Variants in BPIFC observed in about 807,000 individuals in gnomAD.
BPIFC encodes the protein BPI fold-containing family C protein.
Under a neutral mutation model 57.6 loss-of-function variants are expected in BPIFC, and 60 were observed. That is an observed-to-expected ratio of 1.04 (90% CI 0.85 to 1.29). The LOEUF (loss-of-function observed/expected upper bound fraction) is 1.29. Among genes scored for constraint, BPIFC ranks in the 50% most tolerant of loss-of-function variants. The pLI, the probability that BPIFC is intolerant of heterozygous loss-of-function variation, is 0.00. For missense variants in BPIFC, 581 were observed against 600.5 expected, an observed-to-expected ratio of 0.97 and a Z score of 0.34; for synonymous variants, 243 against 224.5, an observed-to-expected ratio of 1.08 and a Z score of -0.74.
chr22:32,416,530 G>A (rs1933683873), intron 15 of BPIFC, among the ~76,000 whole-genome samples: 1 of 152,218 alleles, frequency 6.6e-6, no homozygotes, highest in Admixed American at 6.5e-5. Context: ...CATTTGGACA[G>A]TAGAGAAATG....
At chr22:32,449,000 G>T (rs1186350700) in intron 4 of BPIFC, among the ~76,000 whole-genome samples, 5 of 152,072 alleles carry the variant, frequency 3.3e-5, no homozygotes, top group Admixed American at 3.3e-4. Flanking sequence ...AGGCATTGTG[G>T]TAAGTGCATT....
rs1296366511 is a variant in BPIFC, at chr22:32,449,789, C to T, written c.246-2449G>A. On this transcript the variant is annotated intron_variant, in intron 4 of 16. Coordinates refer to ENST00000300399, the MANE Select transcript of BPIFC (RefSeq NM_174932.3). ...TCACTCTGTCGCCCGGGCTGGAGTG[C>T]AGTGGCATGATCTCGGCTCACTACA... is the stretch of plus-strand genomic sequence containing the variant. Among the ~76,000 whole-genome samples the T allele has an allele frequency of 3.4e-4, 52 of 150,848 alleles. 1 individual carries two copies. The highest frequency in any genetic ancestry group is 4.4e-5 in the Non-Finnish European group (3 of 67,886).
In BPIFC at chr22:32,414,321, C is replaced by T. The variant is rs762255546; in HGVS notation, c.1506G>A (p.Arg502=). 1.9e-6 allele frequency: 3 copies of T among 1,613,720 alleles called. No homozygotes were observed. The highest frequency in any genetic ancestry group is 2.2e-5 in the South Asian group (2 of 91,008). Residue 502 remains arginine (R), a synonymous_variant, in exon 17 of 17, where the codon AGG becomes AGA. Coordinates refer to ENST00000300399, the MANE Select transcript of BPIFC (RefSeq NM_174932.3). ...CCGGCAATCAAGGGGCTGACTTCCC[C>T]CTCCACTGTCTGCTTATCAGGTTCA... ...EGLNLISRQW[R]GKSAP
At chr22:32,429,383 T>C (rs1009032227) in intron 13 of BPIFC, among the ~76,000 whole-genome samples, 4 of 151,914 alleles carry the variant, frequency 2.6e-5, no homozygotes, top group Non-Finnish European at 5.9e-5. Context: ...ATTTTTTGCA[T>C]TTTCAGTAGA....
chr22:32,431,406 A>G lies in BPIFC; in HGVS notation c.1158T>C (p.Ser386=), dbSNP rs747260057. The change falls in exon 13 of 17, where the codon AGT becomes AGC. Residue 386 remains serine (S), a synonymous_variant. Transcript: ENST00000300399. ...CCAAAATAACCAGGCCAACACTGGT[A>G]CTAGCAACCTATAGACAATAAAAGC... ...ETIVSMDFVA[S]TSVGLVILGQ... is the part of the protein sequence containing the mutation. 4 of 1,582,618 alleles carry G rather than the reference A, an allele frequency of 2.5e-6. No homozygotes were observed. Among genetic ancestry groups the G allele is most frequent in the Non-Finnish European group, 3.5e-6 (4 of 1,157,132 alleles).
At position 32,432,262 on chromosome 22, in the gene BPIFC, A is replaced by G; in HGVS notation, c.1149+111T>C. 9 of 1,194,714 alleles carry G rather than the reference A, an allele frequency of 7.5e-6. No homozygotes were observed. In the South Asian group the frequency reaches 1.4e-4, roughly 18 times the overall value. 74.0% of individuals were successfully genotyped at this position (1,194,714 alleles called of 1,614,324 possible). A position where few individuals can be genotyped will look rare whatever the true frequency, so the allele number is the denominator to read the frequency against. On this transcript the variant is annotated intron_variant, in intron 12 of 16. Transcript: ENST00000300399. ...CGTCCAGCCTCCATCCTCACTCTTA[A>G]TCAATGTAGCATCCCCACCCTCTTC...
At chr22:32,434,905 T>C (rs1934347101) in intron 10 of BPIFC, among the ~76,000 whole-genome samples, 1 of 152,188 alleles carries the variant, frequency 6.6e-6, no homozygotes, top group Non-Finnish European at 1.5e-5. Context: ...AGAGGATCAA[T>C]GAATATCTGT....
intron 4 of BPIFC, among the ~76,000 whole-genome samples, chr22:32,449,610 A>T (rs1934827938): frequency 6.6e-6 from 1 of 152,172 alleles, no homozygotes; most frequent in South Asian, 2.1e-4. Context: ...CAAACTGTGG[A>T]TGGATGTACC....
At chr22:32,419,803 CAAAAAAA>C (rs34812283) in intron 13 of BPIFC, among the ~76,000 whole-genome samples, 3 of 102,370 alleles carry the variant, frequency 2.9e-5, no homozygotes, top group Admixed American at 1.2e-4. Context: ...GAGACCCTGT[CAAAAAAA>C]AAAAAAAAAA....
At chr22:32,428,224 AATT>A (rs999596755) in intron 13 of BPIFC, among the ~76,000 whole-genome samples, 8 of 151,976 alleles carry the variant, frequency 5.3e-5, no homozygotes, top group African/African-American at 9.7e-5. Flanking sequence ...CATTTTTAAA[AATT>A]ATTATTTTAA....
chr22:32,451,989 C>T (rs1934907210), intron 4 of BPIFC, among the ~76,000 whole-genome samples: 1 of 152,122 alleles, frequency 6.6e-6, no homozygotes, highest in Non-Finnish European at 1.5e-5. Flanking sequence ...CAACCTTGAC[C>T]TCCAGGGCTC....
At chr22:32,416,517 G>T (rs1933683289) in intron 15 of BPIFC, among the ~76,000 whole-genome samples, 2 of 152,192 alleles carry the variant, frequency 1.3e-5, no homozygotes, top group Admixed American at 6.5e-5. Flanking sequence ...CTACAATTAT[G>T]TTCATTTGGA....
chr22:32,451,109 C>A (rs1316555029), intron 4 of BPIFC, among the ~76,000 whole-genome samples: 3 of 152,140 alleles, frequency 2.0e-5, no homozygotes, highest in African/African-American at 7.2e-5. Flanking sequence ...ACAGCACAGG[C>A]CTAAAACGAT....
chr22:32,424,642 CTCTTCTTCT>C (rs796330210), intron 13 of BPIFC, among the ~76,000 whole-genome samples: 467 of 28,778 alleles, frequency 0.016, 60 homozygotes, highest in Admixed American at 0.02. Flanking sequence ...TCTTCTTCTT[CTCTTCTTCT>C]TCTTCTTCTT....
chr22:32,448,362 T>C (rs1022283403), intron 4 of BPIFC, among the ~76,000 whole-genome samples: 3 of 152,084 alleles, frequency 2.0e-5, no homozygotes, highest in Non-Finnish European at 2.9e-5. Flanking sequence ...CGTGAGCCAC[T>C]GTGTCCAGCC....
intron 8 of BPIFC, among the ~76,000 whole-genome samples, chr22:32,440,312 A>T (rs4821062): frequency 0.32 from 43,749 of 138,158 alleles, 7,480 homozygotes; most frequent in South Asian, 0.47. Context: ...TTAAAAAAAA[A>T]TTTTTTTTAT....
intron 8 of BPIFC, among the ~76,000 whole-genome samples, chr22:32,440,411 G>A (rs148566903): frequency 0.018 from 2,804 of 152,316 alleles, 91 homozygotes; most frequent in African/African-American, 0.064. Context: ...CAAAGTGCTA[G>A]GATTACAGGA....
chr22:32,440,034 T>A (rs1934521130), intron 8 of BPIFC, among the ~76,000 whole-genome samples: 1 of 152,208 alleles, frequency 6.6e-6, no homozygotes, highest in African/African-American at 2.4e-5. Context: ...TAGAACATGG[T>A]GATCCTTGGC....
intron 13 of BPIFC, among the ~76,000 whole-genome samples, chr22:32,423,577 GGTGTGT>G (rs369571670): frequency 1.8e-4 from 26 of 143,258 alleles, no homozygotes; most frequent in South Asian, 1.1e-3. Context: ...GTAGGGTGTG[GGTGTGT>G]GTGTGTGTGT....
Sources: gnomAD v4.1 joint callset for allele counts (sites outside exome capture counted in the v4.1 genomes callset) on GRCh38, gnomAD v4.1.1 for gene constraint, MANE v1.5 for transcripts, NCBI Gene and HGNC (gene_info 2026-07-23, HGNC 2026-07-21) for gene names.